RYR1: variants seen among roughly 807,000 people sequenced by gnomAD.
The protein encoded by RYR1 is ryanodine receptor 1.
Under a neutral mutation model 583.5 loss-of-function variants are expected in RYR1, and 342 were observed. The ratio of observed to expected loss-of-function variants is 0.59; its 90% CI spans 0.54 to 0.64. The LOEUF (loss-of-function observed/expected upper bound fraction) is 0.64. Among genes scored for constraint, RYR1 ranks in the 30% least tolerant of loss-of-function variants. The pLI is 0.00. For synonymous variants in RYR1, 2,791 were observed against 2,822.5 expected (o/e 0.99, Z 0.35); for missense variants, 6,032 against 6,917.2 (o/e 0.87, Z 4.54).
intron 38 of RYR1, 98 bp from the exon 39 acceptor site, chr19:38,494,254 C>T (rs1308112268): frequency 1.4e-6 from 2 of 1,465,484 alleles, no homozygotes; most frequent in East Asian, 4.5e-5. Context: ...GGGAAAACTT[C>T]TGGAACAGGG....
chr19:38,521,894 G>C (rs1404781762), intron 67 of RYR1, among the ~76,000 whole-genome samples: 1 of 151,632 alleles, frequency 6.6e-6, no homozygotes, highest in Non-Finnish European at 1.5e-5. Context: ...TTTTTTAGTA[G>C]AGATGAGGTT....
chr19:38,452,694 C>T (rs1465729855), intron 12 of RYR1, 125 bp from the exon 13 acceptor site: 3 of 825,062 alleles, frequency 3.6e-6, no homozygotes, highest in African/African-American at 3.4e-5. Context: ...TCCCTCTCTG[C>T]GTCTCGGTCT....
At chr19:38,551,101 G>A (rs1277079861) in intron 89 of RYR1, among the ~76,000 whole-genome samples, 1 of 121,672 alleles carries the variant, frequency 8.2e-6, no homozygotes, top group Non-Finnish European at 1.6e-5. Context: ...AGGCTGGAGT[G>A]CAATGGTATG....
rs376564417 is a variant in RYR1 at position 38,494,592 on chromosome 19, C to A, written c.6515C>A (p.Pro2172His). ...IRSLLIVQMG[P>H]QEENLMIQSI... The stretch of plus-strand genomic sequence containing the variant: ...TCGCTGCTCATCGTGCAGATGGGCC[C>A]CCAGGAGGAGAACCTCATGATCCAG... Residue 2172 changes from proline to histidine, a missense_variant, in exon 39 of 106, where the codon CCC becomes CAC. Physicochemically the swap from Pro to His is moderately conservative, Grantham distance 77. Around this residue, in one of 11 missense-constraint regions of RYR1, gnomAD observed 2,627 missense variants for 2,961.3 expected, o/e 0.89. Transcript: ENST00000359596. The A allele has an allele frequency of 2.7e-5, 44 of 1,614,138 alleles. No homozygotes were observed. Among genetic ancestry groups the A allele is most frequent in the Non-Finnish European group, 3.6e-5 (43 of 1,180,036 alleles).
At chr19:38,511,961 C>T (rs1970745404) in intron 61 of RYR1, 111 bp from the exon 62 acceptor site, 3 of 1,304,304 alleles carry the variant, frequency 2.3e-6, no homozygotes, top group African/African-American at 3.0e-5. Flanking sequence ...AGCATTCCAA[C>T]TTAGCCCGCA....
intron 50 of RYR1, 26 bp downstream of exon 50, chr19:38,504,386 T>C: frequency 6.2e-7 from 1 of 1,610,402 alleles, no homozygotes; most frequent in Non-Finnish European, 8.5e-7. Context: ...AGCCCCAAAA[T>C]GGCCTATGTG....
In RYR1 at chr19:38,442,434, C is replaced by G. The variant is rs186983396; in HGVS notation, c.251C>G (p.Thr84Arg). ...GCCCTGCAGGAGATGCTGGCTAACA[C>G]GGTGGAGGCTGGCGTGGAGGTGAGG... ...VRALQEMLAN[T>R]VEAGVESSQG... Residue 84 changes from threonine to arginine, a missense_variant, in exon 3 of 106, where the codon ACG (threonine) becomes AGG (arginine). By Grantham distance (71) the Thr-to-Arg change is moderately conservative (BLOSUM62 -1). Coordinates refer to ENST00000359596, the MANE Select transcript of RYR1 (RefSeq NM_000540.3). The G allele has an allele frequency of 1.7e-5, 27 of 1,613,138 alleles. No homozygotes were observed. The highest frequency in any genetic ancestry group is 2.3e-5 in the Non-Finnish European group (27 of 1,179,530).
Position 38,499,338 on chromosome 19 carries a change from G to A in RYR1, c.7027+95G>A. 2 of 1,584,868 alleles carry A rather than the reference G, an allele frequency of 1.3e-6. No individual in the cohort carries two copies. Among genetic ancestry groups the A allele is most frequent in the Non-Finnish European group, 1.7e-6 (2 of 1,155,820 alleles). The stretch of plus-strand genomic sequence containing the variant: ...CTGCTCGCACCCTGAGCCACAGATG[G>A]GGTCCAGGCAGGAATCCCTTCCAGC... On this transcript the variant is annotated intron_variant, in intron 43 of 105. Transcript: ENST00000359596. This position sits in a 1 kb window ranked among gnomAD's most constrained non-coding sequence, Gnocchi z 7.3.
rs115388991 is a variant in RYR1, at chr19:38,515,203, T to A, written c.9554+96T>A. 8.0e-4 allele frequency: 773 copies of A among 968,700 alleles called. 3 individuals carry two copies. In the African/African-American group the frequency reaches 0.012, roughly 15 times the overall value. 60.0% of individuals were successfully genotyped at this position (968,700 alleles called of 1,614,324 possible). On this transcript the variant is annotated intron_variant, in intron 64 of 105. Coordinates refer to ENST00000359596, the MANE Select transcript of RYR1 (RefSeq NM_000540.3). ...TGGGGTGGGTGAAAAGCAGGGTAGA[T>A]GTTAAGAATTTTCCCGCACACGGCG...
At chr19:38,582,929 G>A (rs1019272033) in intron 101 of RYR1, among the ~76,000 whole-genome samples, 7 of 152,150 alleles carry the variant, frequency 4.6e-5, no homozygotes, top group African/African-American at 9.6e-5. Context: ...CCACAGCCTC[G>A]TTCTCATTAT....
At position 38,490,672 on chromosome 19, in the gene RYR1, C is replaced by G; in HGVS notation, c.6067C>G (p.Leu2023Val). ...TGGTACAGATGAGGAAGACTGTCCT[C>G]TCCCTGAAGAGATTCGACAGGATTT... ...KDGTDEEDCP[L>V]PEEIRQDLLD... The change falls in exon 37 of 106, where the codon CTC (leucine) becomes GTC (valine). Residue 2023 changes from leucine (L) to valine (V), a missense_variant. By Grantham distance (32) the Leu-to-Val change is conservative. Around this residue, in one of 11 missense-constraint regions of RYR1, gnomAD observed 2,627 missense variants for 2,961.3 expected, o/e 0.89. Coordinates refer to ENST00000359596, the MANE Select transcript of RYR1 (RefSeq NM_000540.3). The G allele has an allele frequency of 6.2e-7, 1 of 1,613,938 alleles. No homozygotes were observed. The highest frequency in any genetic ancestry group is 8.5e-7 in the Non-Finnish European group (1 of 1,179,796).
Position 38,466,949 on chromosome 19 carries a change from A to G in RYR1, c.3178+551A>G, listed in dbSNP as rs1189853994. Among the ~76,000 whole-genome samples, 3 of 152,266 alleles carry G rather than the reference A, an allele frequency of 2.0e-5. No individual in the cohort carries two copies. The East Asian group carries it at 5.8e-4, about 29-fold the overall frequency. On this transcript the variant is annotated intron_variant, in intron 24 of 105. Transcript: ENST00000359596. ...ACCTGACGCCAGCCCTGCCTGGGCT[A>G]TGACTGCAAACCAGAGCCGTCAGCC...
intron 96 of RYR1, among the ~76,000 whole-genome samples, chr19:38,573,619 G>T (rs1313527208): frequency 6.6e-6 from 1 of 151,674 alleles, no homozygotes; most frequent in Non-Finnish European, 1.5e-5. Flanking sequence ...TGTGGAGGAT[G>T]CAGTGAGCCG....
intron 24 of RYR1, among the ~76,000 whole-genome samples, chr19:38,466,715 A>T (rs181820072): frequency 6.6e-6 from 1 of 151,982 alleles, no homozygotes; most frequent in East Asian, 1.9e-4. Context: ...TTTAGCCAGG[A>T]TGGTCTCGAT....
chr19:38,464,545 G>A lies in RYR1; in HGVS notation c.2787-94G>A, dbSNP rs1351173939. On this transcript the variant is annotated intron_variant, in intron 22 of 105. Coordinates refer to ENST00000359596, the MANE Select transcript of RYR1 (RefSeq NM_000540.3). ...GCGCCCCAGGCACTGAAGCAGCAGAGGTAGAGGGAGCTGGAGACCCTGAGG... is the reference window on the plus strand; with the variant it reads ...GCGCCCCAGGCACTGAAGCAGCAGAAGTAGAGGGAGCTGGAGACCCTGAGG... 4 of 1,025,580 alleles carry A rather than the reference G, an allele frequency of 3.9e-6. No homozygotes were observed. The African/African-American group carries it at 4.8e-5, about 12-fold the overall frequency. 63.5% of individuals were successfully genotyped at this position (1,025,580 alleles called of 1,614,324 possible). A position where few individuals can be genotyped will look rare whatever the true frequency, so the allele number is the denominator to read the frequency against.
At chr19:38,528,841 G>GC (rs1286567395) in intron 75 of RYR1, 110 bp from the exon 76 acceptor site, 1 of 1,437,858 alleles carries the variant, frequency 7.0e-7, no homozygotes, top group Non-Finnish European at 9.7e-7. Flanking sequence ...CCAAAGTAGG[G>GC]CGCAGGATGT....
At chr19:38,582,839 G>A (rs567551892) in intron 101 of RYR1, among the ~76,000 whole-genome samples, 25 of 152,228 alleles carry the variant, frequency 1.6e-4, no homozygotes, top group Admixed American at 3.3e-4. Flanking sequence ...GTCTGGCTCC[G>A]TGGGTTCCTC....
Position 38,499,754 on chromosome 19 carries a change from G to T in RYR1, c.7147G>T (p.Ala2383Ser), listed in dbSNP as rs1342675909. Residue 2383 changes from alanine to serine, a missense_variant, in exon 44 of 106, where the codon GCC becomes TCC. Transcript: ENST00000359596. This position sits in a 1 kb window ranked among gnomAD's most constrained non-coding sequence, Gnocchi z 7.3. ...AGGGCTGCTGGCTGCCATCGAAGAG[G>T]CCATCCGCATCTCCGAGGACCCTGC... ...GSGLLAAIEE[A>S]IRISEDPARD... is the part of the protein sequence containing the mutation. 6.2e-7 allele frequency: 1 copy of T among 1,601,900 alleles called. No individual in the cohort carries two copies. Among genetic ancestry groups the T allele is most frequent in the East Asian group, 2.2e-5 (1 of 44,766 alleles).
At chr19:38,546,347 C>T (rs560992600) in intron 87 of RYR1, 98 bp from the exon 88 acceptor site, 96 of 991,330 alleles carry the variant, frequency 9.7e-5, no homozygotes, top group African/African-American at 8.8e-4. Context: ...GGGGAGAAAA[C>T]GGGTTTAGGC....
Sources: gnomAD v4.1 joint callset for allele counts (sites outside exome capture counted in the v4.1 genomes callset) on GRCh38, gnomAD v4.1.1 for gene constraint, gnomAD v4.1.1 regional missense constraint, Gnocchi (gnomAD v3.1) non-coding constraint, MANE v1.5 for transcripts, NCBI Gene and HGNC (gene_info 2026-07-23, HGNC 2026-07-21) for gene names.